The following WDR81 variants were observed in gnomAD, a reference collection of about 807,000 sequenced individuals.
WDR81 encodes the protein WD repeat domain 81.
Under a neutral mutation model 140.8 loss-of-function variants are expected in WDR81, and 92 were observed. The ratio of observed to expected loss-of-function variants is 0.65; its 90% CI spans 0.55 to 0.78. The LOEUF is 0.78. Ranked by LOEUF, WDR81 falls within the 30% of genes least tolerant of loss-of-function variation. The probability of loss-of-function intolerance (pLI) is 0.00; values close to 1 mark genes in which losing one functional copy is unlikely to be tolerated. For synonymous variants in WDR81, 1,183 were observed against 1,156.4 expected (o/e 1.02, Z -0.47); for missense variants, 2,502 against 2,636.4 (o/e 0.95, Z 1.12).
intron 1 of WDR81, among the ~76,000 whole-genome samples, chr17:1,718,085 C>G (rs928864192): frequency 2.0e-5 from 3 of 152,024 alleles, no homozygotes; most frequent in Non-Finnish European, 2.9e-5. Context: ...GATCCTCCTG[C>G]TTTTGCCCAT....
chr17:1,721,284 G>A (rs150852782), upstream of WDR81, among the ~76,000 whole-genome samples: 9 of 152,210 alleles, frequency 5.9e-5, no homozygotes, highest in East Asian at 1.9e-4. Flanking sequence ...ACTTGAACCC[G>A]GGAGGCGGAG....
chr17:1,726,022 G>A lies in WDR81; in HGVS notation c.1063G>A (p.Gly355Ser), dbSNP rs968250463. 9.1e-6 allele frequency: 14 copies of A among 1,545,116 alleles called. No homozygotes were observed. The highest frequency in any genetic ancestry group is 2.4e-5 in the South Asian group (2 of 83,694). Reference sequence around the variant, plus strand: ...GAGCCTCGTGCTAGATTGGGTCCACGGCCGCATCAGCAACTTCCACTACCT... The same window carrying A: ...GAGCCTCGTGCTAGATTGGGTCCACAGCCGCATCAGCAACTTCCACTACCT... ...LRSLVLDWVH[G>S]RISNFHYLMQ... Residue 355 changes from glycine (G) to serine (S), a missense_variant, in exon 1 of 10, where the codon GGC becomes AGC. Coordinates refer to ENST00000409644, the MANE Select transcript of WDR81 (RefSeq NM_001163809.2).
In WDR81 at chr17:1,725,908, G is replaced by GC; in HGVS notation, c.953dup (p.Val319CysfsTer5). 1 of 1,550,860 alleles carries GC rather than the reference G, an allele frequency of 6.4e-7. No individual in the cohort carries two copies. The highest frequency in any genetic ancestry group is 1.4e-5 in the African/African-American group (1 of 73,178). ...GCCCGAGGAGGACGAGAATGAGGAG[G>GC]CCCCTGTGGCAAGGGATGAGGCGGG... On this transcript the variant is annotated frameshift_variant, in exon 1 of 10. Coordinates refer to ENST00000409644, the MANE Select transcript of WDR81 (RefSeq NM_001163809.2). LOFTEE classifies it high-confidence loss of function.
chr17:1,719,126 T>C (rs2151154754), intron 1 of WDR81, among the ~76,000 whole-genome samples: 1 of 152,320 alleles, frequency 6.6e-6, no homozygotes, highest in Non-Finnish European at 1.5e-5. Flanking sequence ...TTAGGCACAC[T>C]TAGATTCAAA....
chr17:1,725,076 C>T lies in WDR81; in HGVS notation c.117C>T (p.Ser39=). ...TCCGGAGCGTGGAGAGGGACCTGAG[C>T]ATCGATCCCAGGCAGCTGGCTCCGG... ...ELLRSVERDL[S]IDPRQLAPAP... Residue 39 remains serine, a synonymous_variant, in exon 1 of 10, where the codon AGC becomes AGT. Transcript: ENST00000409644. 1 of 1,492,054 alleles carries T rather than the reference C, an allele frequency of 6.7e-7. No individual in the cohort carries two copies. Among genetic ancestry groups the T allele is most frequent in the Middle Eastern group, 1.8e-4 (1 of 5,672 alleles). 92.4% of individuals were successfully genotyped at this position (1,492,054 alleles called of 1,614,324 possible).
chr17:1,723,457 T>TTATTTTTATTTATTTATTTA (rs60606428), upstream of WDR81, among the ~76,000 whole-genome samples: 5 of 130,536 alleles, frequency 3.8e-5, no homozygotes, highest in South Asian at 2.4e-4. Flanking sequence ...ATTTATTTAT[T>TTATTTTTATTTATTTATTTA]TTTATTTATT....
In WDR81 at chr17:1,735,489, G is replaced by GCCAC; in HGVS notation, c.5180-82_5180-81insCACC. The GCCAC allele has an allele frequency of 7.4e-7, 1 of 1,357,220 alleles. No individual in the cohort carries two copies. The highest frequency in any genetic ancestry group is 9.9e-7 in the Non-Finnish European group (1 of 1,015,168). The allele number at this position is 1,357,220 out of a possible 1,614,324, so 84.1% of individuals were successfully genotyped here. ...TCCCTGGGGGACGGGAGGCAGGTGT[G>GCCAC]CGGTGAGTTGGGGGATTAGAAGCTC... is the stretch of plus-strand genomic sequence containing the variant. On this transcript the variant is annotated intron_variant, in intron 7 of 9. Transcript: ENST00000409644. This position sits in a 1 kb window ranked among gnomAD's most constrained non-coding sequence, Gnocchi z 4.2.
chr17:1,717,602 A>G (rs186698517), intron 1 of WDR81, among the ~76,000 whole-genome samples: 1 of 152,284 alleles, frequency 6.6e-6, no homozygotes, highest in African/African-American at 2.4e-5. Flanking sequence ...TGATTGTTGG[A>G]AAGTGTGACC....
At position 1,732,708 on chromosome 17, in the gene WDR81, C is replaced by T; in HGVS notation, c.4366C>T (p.Pro1456Ser). ...TGCGGGCCGTGGTGAGGGCCAGCTGCCACAGGTGGTCTTCTCTGATGGGCA... is the reference window on the plus strand; with the variant it reads ...TGCGGGCCGTGGTGAGGGCCAGCTGTCACAGGTGGTCTTCTCTGATGGGCA... ...DPAGRGEGQL[P>S]QVVFSDGQQR... The change falls in exon 6 of 10, where the codon CCA (proline) becomes TCA (serine). Residue 1456 changes from proline to serine, a missense_variant. Physicochemically the swap from Pro to Ser is moderately conservative, Grantham distance 74 (BLOSUM62 -1). Coordinates refer to ENST00000409644, the MANE Select transcript of WDR81 (RefSeq NM_001163809.2). The T allele has an allele frequency of 6.2e-7, 1 of 1,612,346 alleles. No individual in the cohort carries two copies. Among genetic ancestry groups the T allele is most frequent in the Non-Finnish European group, 8.5e-7 (1 of 1,179,674 alleles).
rs1402389418 is a variant in WDR81, at chr17:1,730,310, G to A, written c.3668-70G>A. 9.9e-6 allele frequency: 13 copies of A among 1,307,472 alleles called. No homozygotes were observed. The East Asian group carries it at 2.1e-4, about 21-fold the overall frequency. The allele number at this position is 1,307,472 out of a possible 1,614,324, so 81.0% of individuals were successfully genotyped here. A position where few individuals can be genotyped will look rare whatever the true frequency, so the allele number is the denominator to read the frequency against. On this transcript the variant is annotated intron_variant, in intron 1 of 9. Coordinates refer to ENST00000409644, the MANE Select transcript of WDR81 (RefSeq NM_001163809.2). ...GCCGCAGGTGGTTGAGTGGGGTGCC[G>A]TGGGGTGGGGTGGGAGGGGTGATGA...
In WDR81 at chr17:1,730,833, C is replaced by A; in HGVS notation, c.3854C>A (p.Pro1285Gln). The A allele has an allele frequency of 3.1e-6, 5 of 1,612,706 alleles. No individual in the cohort carries two copies. Among genetic ancestry groups the A allele is most frequent in the Non-Finnish European group, 4.2e-6 (5 of 1,179,972 alleles). Residue 1285 changes from proline to glutamine, a missense_variant, in exon 3 of 10, where the codon CCG (proline) becomes CAG (glutamine). Physicochemically the swap from Pro to Gln is moderately conservative, Grantham distance 76. This residue lies in a region of WDR81 where 1,737 missense variants were observed against 1,843.0 expected (regional missense o/e 0.94). Coordinates refer to ENST00000409644, the MANE Select transcript of WDR81 (RefSeq NM_001163809.2). ...LSAGNIYQKR[P>Q]VLGDIVSGPV... ...GCCGGCAACATCTACCAGAAGAGGC[C>A]GGTCCTGGGCGACATCGTGTCAGGG...
chr17:1,724,452 CG>C, upstream of WDR81: 2 of 980,152 alleles, frequency 2.0e-6, no homozygotes, highest in South Asian at 9.4e-5. Context: ...GAACAGCCTC[CG>C]GGACCCGCGC....
At position 1,724,754 on chromosome 17, in the gene WDR81, C is replaced by T. The variant is rs1425584919; in HGVS notation, c.-206C>T. Reference sequence around the variant, plus strand: ...GTGCTCGCGCCCGGCAGCCTCTGCCCCGCCGCGCCCGGAGCGCAGGACCCG... The same window carrying T: ...GTGCTCGCGCCCGGCAGCCTCTGCCTCGCCGCGCCCGGAGCGCAGGACCCG... On this transcript the variant is annotated 5_prime_UTR_variant, in exon 1 of 10. Coordinates refer to ENST00000409644, the MANE Select transcript of WDR81 (RefSeq NM_001163809.2). 6.2e-6 allele frequency: 7 copies of T among 1,132,126 alleles called. No individual in the cohort carries two copies. The East Asian group carries it at 2.4e-4, about 38-fold the overall frequency. 70.1% of individuals were successfully genotyped at this position (1,132,126 alleles called of 1,614,324 possible). A position where few individuals can be genotyped will look rare whatever the true frequency, so the allele number is the denominator to read the frequency against.
upstream of WDR81, among the ~76,000 whole-genome samples, chr17:1,724,051 C>G (rs1915041907): frequency 6.6e-6 from 1 of 152,002 alleles, no homozygotes; most frequent in South Asian, 2.1e-4. Context: ...ATGGAGGCGC[C>G]GGGGGGATTC....
At chr17:1,720,426 G>C (rs1567714212), upstream of WDR81, among the ~76,000 whole-genome samples, 1 of 152,174 alleles carries the variant, frequency 6.6e-6, no homozygotes, top group African/African-American at 2.4e-5. Flanking sequence ...GAATTACCTC[G>C]CGTACTTGTT....
chr17:1,717,564 A>G (rs556675818), intron 1 of WDR81, among the ~76,000 whole-genome samples: 1 of 152,278 alleles, frequency 6.6e-6, no homozygotes, highest in South Asian at 2.1e-4. Flanking sequence ...CTTTAAGGAA[A>G]CTTCCTGCCT....
Position 1,725,190 on chromosome 17 carries a change from C to T in WDR81, c.231C>T (p.Pro77=), listed in dbSNP as rs933983970. The change falls in exon 1 of 10, where the codon CCC becomes CCT. Residue 77 remains proline (P), a synonymous_variant. Coordinates refer to ENST00000409644, the MANE Select transcript of WDR81 (RefSeq NM_001163809.2). The stretch of plus-strand genomic sequence containing the variant: ...GCCGGCTGCCCCTGGGACCCTGTCC[C>T]CGCGCAGAGGGCCTGGGAGAAGCGG... ...RDRRLPLGPC[P]RAEGLGEAEV... is the part of the protein sequence containing the mutation. The T allele has an allele frequency of 6.5e-7, 1 of 1,537,116 alleles. No homozygotes were observed. The highest frequency in any genetic ancestry group is 8.7e-7 in the Non-Finnish European group (1 of 1,146,412).
chr17:1,736,315 AC>A, intron 9 of WDR81, 97 bp downstream of exon 9: 1 of 1,414,418 alleles, frequency 7.1e-7, no homozygotes, highest in Non-Finnish European at 9.5e-7. Flanking sequence ...TCAGGCTCGA[AC>A]TGGTCTGTCT....
At chr17:1,734,290 G>C (rs1273753882) in intron 7 of WDR81, 74 bp downstream of exon 7, 2 of 1,444,414 alleles carry the variant, frequency 1.4e-6, no homozygotes, top group African/African-American at 1.4e-5. Flanking sequence ...GGGGGCCCGA[G>C]GGTGGGGCTG....
Sources: gnomAD v4.1 joint callset for allele counts (sites outside exome capture counted in the v4.1 genomes callset) on GRCh38, gnomAD v4.1.1 for gene constraint, gnomAD v4.1.1 regional missense constraint, Gnocchi (gnomAD v3.1) non-coding constraint, MANE v1.5 for transcripts, NCBI Gene and HGNC (gene_info 2026-07-23, HGNC 2026-07-21) for gene names.